The following USH2A variants were observed in gnomAD, a reference collection of about 807,000 sequenced individuals.
USH2A encodes the protein Usher syndrome 2A (autosomal recessive, mild).
In USH2A, 443 loss-of-function variants were observed where a neutral mutation model predicts 538.9. The observed-to-expected ratio is 0.82, with a 90% CI of 0.76 to 0.89. The LOEUF is 0.89. Ranked by LOEUF, USH2A falls within the 40% of genes least tolerant of loss-of-function variation. The pLI, the probability that USH2A is intolerant of heterozygous loss-of-function variation, is 0.00. For synonymous variants in USH2A, 2,413 were observed against 2,273.5 expected (o/e 1.06, Z -1.75); for missense variants, 6,633 against 6,324.8 (o/e 1.05, Z -1.65).
At chr1:215,764,828 T>C (rs1661081014) in intron 56 of USH2A, among the ~76,000 whole-genome samples, 1 of 152,176 alleles carries the variant, frequency 6.6e-6, no homozygotes, top group Non-Finnish European at 1.5e-5. Context: ...GCATTCACAC[T>C]ATATTTATTT....
intron 61 of USH2A, among the ~76,000 whole-genome samples, chr1:215,724,451 A>T (rs1659753423): frequency 8.6e-6 from 1 of 116,160 alleles, no homozygotes; most frequent in Admixed American, 1.2e-4. Flanking sequence ...GACACTGGAG[A>T]CTCGGAAGGG....
intron 4 of USH2A, among the ~76,000 whole-genome samples, chr1:216,342,164 C>T (rs1234694642): frequency 6.6e-6 from 1 of 152,004 alleles, no homozygotes; most frequent in African/African-American, 2.4e-5. Context: ...AAAACAACCC[C>T]ATCAAAAAGT....
intron 43 of USH2A, among the ~76,000 whole-genome samples, chr1:215,868,901 AAACTG>A (rs1664553200): frequency 6.6e-6 from 1 of 152,254 alleles, no homozygotes; most frequent in South Asian, 2.1e-4. Flanking sequence ...TCCAGAATAC[AAACTG>A]GTTTGCAACT....
In USH2A at chr1:216,031,625, A is replaced by G. The variant is rs181853905; in HGVS notation, c.6325+14806T>C. Among the ~76,000 whole-genome samples the G allele has an allele frequency of 1.9e-3, 283 of 152,268 alleles. 2 individuals are homozygous for G. Among genetic ancestry groups the G allele is most frequent in the Admixed American group, 0.017 (261 of 15,296 alleles). On this transcript the variant is annotated intron_variant, in intron 32 of 71. Transcript: ENST00000307340. ...CAGTCTTCGCTATGTTGAAGCAATGATATGTTCCAACTATGTGTTTTCTAA... is the reference window on the plus strand; with the variant it reads ...CAGTCTTCGCTATGTTGAAGCAATGGTATGTTCCAACTATGTGTTTTCTAA...
intron 55 of USH2A, among the ~76,000 whole-genome samples, chr1:215,779,568 T>C (rs563305430): frequency 4.1e-4 from 62 of 152,204 alleles, no homozygotes; most frequent in Non-Finnish European, 7.9e-4. Context: ...ACTGTTTGTT[T>C]GAAAAAAAAA....
chr1:216,327,956 G>A (rs2037768278), intron 4 of USH2A, among the ~76,000 whole-genome samples: 1 of 152,038 alleles, frequency 6.6e-6, no homozygotes, highest in African/African-American at 2.4e-5. Context: ...TTTCTCTCTA[G>A]TTTATAACTC....
chr1:216,330,890 T>A, intron 4 of USH2A, among the ~76,000 whole-genome samples: 1 of 152,052 alleles, frequency 6.6e-6, no homozygotes, highest in Non-Finnish European at 1.5e-5. Context: ...TACCTTTCAA[T>A]GCTGATAAAT....
intron 32 of USH2A, among the ~76,000 whole-genome samples, chr1:216,029,534 A>G (rs1286060030): frequency 6.6e-6 from 1 of 152,000 alleles, no homozygotes; most frequent in East Asian, 1.9e-4. Context: ...CTCAAGCACA[A>G]TGAAATATTT....
rs1213559166 is a variant in USH2A, at chr1:215,786,693, C to A, written c.10364G>T (p.Ser3455Ile). The part of the protein sequence containing the change: ...SSAEETIHTG[S>I]VNTYSYTDVN... ...ACCTGTGTAAGAGTACGTGTTTACA[C>A]TCCCTGTATGAATGGTTTCTTCGGC... Residue 3455 changes from serine (S) to isoleucine (I), a missense_variant, in exon 52 of 72, where the codon AGT becomes ATT. Ser to Ile is a moderately radical substitution (Grantham distance 142, BLOSUM62 -2). Coordinates refer to ENST00000307340, the MANE Select transcript of USH2A (RefSeq NM_206933.4). 3.1e-6 allele frequency: 5 copies of A among 1,614,026 alleles called. No individual in the cohort carries two copies. The highest frequency in any genetic ancestry group is 3.4e-6 in the Non-Finnish European group (4 of 1,179,928).
At chr1:216,133,219 C>A (rs956894876) in intron 21 of USH2A, among the ~76,000 whole-genome samples, 1 of 152,036 alleles carries the variant, frequency 6.6e-6, no homozygotes, top group Non-Finnish European at 1.5e-5. Context: ...TGATTTAACA[C>A]AATATTTTCT....
rs558788150 is a variant in USH2A, at chr1:215,770,011, A to C, written c.10940-3223T>G. Among the ~76,000 whole-genome samples, 11 of 152,318 alleles carry C rather than the reference A, an allele frequency of 7.2e-5. No homozygotes were observed. In the South Asian group the frequency reaches 1.9e-3, roughly 26 times the overall value. On this transcript the variant is annotated intron_variant, in intron 55 of 71. Transcript: ENST00000307340. ...ATGTGGGCAAAGGGTAGTAATACTT[A>C]GGCTCATTTCAAATGATGTTTGCTA...
intron 49 of USH2A, among the ~76,000 whole-genome samples, chr1:215,804,207 T>C (rs1478446424): frequency 1.3e-5 from 2 of 151,904 alleles, no homozygotes; most frequent in African/African-American, 2.4e-5. Flanking sequence ...GCAATACCAT[T>C]CAGGACATAG....
At chr1:215,906,519 A>C (rs1665643969) in intron 38 of USH2A, among the ~76,000 whole-genome samples, 2 of 152,084 alleles carry the variant, frequency 1.3e-5, no homozygotes. Context: ...GCTATAGTGA[A>C]TGATTTATAA....
intron 9 of USH2A, among the ~76,000 whole-genome samples, chr1:216,295,547 A>G (rs2037087844): frequency 6.6e-6 from 1 of 151,950 alleles, no homozygotes. Context: ...ACACACTGAA[A>G]CCAATTACAT....
chr1:215,689,705 G>A (rs909680827), intron 61 of USH2A, among the ~76,000 whole-genome samples: 2 of 152,236 alleles, frequency 1.3e-5, no homozygotes, highest in Non-Finnish European at 2.9e-5. Flanking sequence ...TCTAGGACAT[G>A]AGGGCCAACA....
At chr1:215,944,499 C>T (rs544905414) in intron 37 of USH2A, among the ~76,000 whole-genome samples, 1 of 152,194 alleles carries the variant, frequency 6.6e-6, no homozygotes, top group South Asian at 2.1e-4. Flanking sequence ...TTTGTTACAT[C>T]ACTGCACCAT....
chr1:215,782,259 C>G, intron 53 of USH2A, 63 bp from the exon 54 acceptor site: 1 of 1,543,360 alleles, frequency 6.5e-7, no homozygotes, highest in Non-Finnish European at 8.9e-7. Context: ...TTGCAAACAA[C>G]TTACAAATCT....
chr1:216,233,373 C>T (rs1350324736), intron 13 of USH2A, among the ~76,000 whole-genome samples: 10 of 152,108 alleles, frequency 6.6e-5, no homozygotes, highest in Admixed American at 6.6e-4. Flanking sequence ...TTTCCCTAGG[C>T]CAGGCTAGGT....
chr1:215,634,364 C>G, intron 70 of USH2A, 95 bp downstream of exon 70: 2 of 1,589,594 alleles, frequency 1.3e-6, no homozygotes, highest in Non-Finnish European at 1.7e-6. Context: ...ACATCTAATT[C>G]CTTGTTACCA....
Sources: allele counts gnomAD v4.1 joint callset (sites outside exome capture counted in the v4.1 genomes callset), GRCh38; gene constraint gnomAD v4.1.1; transcripts MANE v1.5; gene names NCBI Gene and HGNC (gene_info 2026-07-23, HGNC 2026-07-21).